LRRFIP1: variants seen among roughly 807,000 people sequenced by gnomAD.
LRRFIP1 encodes the protein LRR binding FLII interacting protein 1.
Under a neutral mutation model 104.4 loss-of-function variants are expected in LRRFIP1, and 62 were observed. The observed-to-expected ratio is 0.59, with a 90% confidence interval of 0.48 to 0.73. The LOEUF is 0.73. LRRFIP1 is among the 30% of genes least tolerant of loss of function. LRRFIP1 has a pLI of 0.00. For missense variants in LRRFIP1, 796 were observed against 824.5 expected, an observed-to-expected ratio of 0.97 and a Z score of 0.42; for synonymous variants, 300 against 299.0, an observed-to-expected ratio of 1.00 and a Z score of -0.03.
At chr2:237,633,998 A>C (rs1253689006) in intron 1 of LRRFIP1, among the ~76,000 whole-genome samples, 1 of 152,086 alleles carries the variant, frequency 6.6e-6, no homozygotes, top group Non-Finnish European at 1.5e-5. Context: ...CCATCCTTTC[A>C]TCTTTAAAAA....
At position 237,719,562 on chromosome 2, in the gene LRRFIP1, A is replaced by C; in HGVS notation, c.289A>C (p.Thr97Pro). The C allele has an allele frequency of 6.2e-7, 1 of 1,613,240 alleles. No individual in the cohort carries two copies. Among genetic ancestry groups the C allele is most frequent in the Non-Finnish European group, 8.5e-7 (1 of 1,179,334 alleles). ...ERYSRRSRRN[T>P]SASDEDERMS... is the part of the protein sequence containing the mutation. ...CTACTCTCGTAGATCCAGAAGAAAC[A>C]CATCGGTTAGTACCGTGTTCATTCA... Residue 97 changes from threonine (T) to proline (P), a missense_variant, in exon 5 of 24, where the codon ACA (threonine) becomes CCA (proline). Coordinates refer to ENST00000308482, the MANE Select transcript of LRRFIP1 (RefSeq NM_001137550.2).
intron 6 of LRRFIP1, chr2:237,721,181 T>C (rs1330624183): frequency 5.0e-6 from 1 of 201,550 alleles, no homozygotes; most frequent in African/African-American, 2.3e-5. Context: ...CTGTATCCAC[T>C]GACACCCATG....
chr2:237,738,371 T>C (rs1559736378), intron 10 of LRRFIP1, among the ~76,000 whole-genome samples: 1 of 152,190 alleles, frequency 6.6e-6, no homozygotes, highest in East Asian at 1.9e-4. Flanking sequence ...AGCAGAGGGT[T>C]CTGTGCCCAG....
chr2:237,743,340 A>G (rs2057374609), intron 11 of LRRFIP1, among the ~76,000 whole-genome samples: 1 of 152,160 alleles, frequency 6.6e-6, no homozygotes, highest in African/African-American at 2.4e-5. Context: ...AACCAGAATG[A>G]AGGAAGTGAC....
intron 2 of LRRFIP1, among the ~76,000 whole-genome samples, chr2:237,710,377 G>A (rs1347821008): frequency 1.3e-5 from 2 of 151,318 alleles, no homozygotes; most frequent in South Asian, 4.2e-4. Context: ...TCCCTCTCCT[G>A]GGTTCAAGCG....
Position 237,735,488 on chromosome 2 carries a change from G to T in LRRFIP1, c.555+155G>T, listed in dbSNP as rs1454605577. 3.1e-6 allele frequency: 2 copies of T among 636,302 alleles called. No individual in the cohort carries two copies. The highest frequency in any genetic ancestry group is 5.3e-6 in the Non-Finnish European group (2 of 378,358). The allele number at this position is 636,302 out of a possible 1,614,324, so 39.4% of individuals were successfully genotyped here. ...ACCGCCACCTTCCATTGTAATGAAG[G>T]TCACAAATAATGTGAATCAGGAAAC... On this transcript the variant is annotated intron_variant, in intron 10 of 23. Transcript: ENST00000308482. This position sits in a 1 kb window ranked among gnomAD's most constrained non-coding sequence, Gnocchi z 4.6.
At position 237,714,263 on chromosome 2, in the gene LRRFIP1, A is replaced by G. The variant is rs770859048; in HGVS notation, c.188A>G (p.Tyr63Cys). 6.9e-6 allele frequency: 11 copies of G among 1,598,876 alleles called. 1 individual carries two copies. The highest frequency in any genetic ancestry group is 6.7e-5 in the South Asian group (6 of 89,694). Residue 63 changes from tyrosine (Y) to cysteine (C), a missense_variant, in exon 3 of 24, where the codon TAT becomes TGT. Coordinates refer to ENST00000308482, the MANE Select transcript of LRRFIP1 (RefSeq NM_001137550.2). ...KELERQQKEI[Y>C]QVQKKYYGLD... is the part of the protein sequence containing the mutation. ...TTCTTCTGTCCTTCTCTATAGATCT[A>G]TCAGGTCCAAAAGGTAGGCTCTTCT...
At chr2:237,630,655 C>T in intron 1 of LRRFIP1, among the ~76,000 whole-genome samples, 1 of 152,212 alleles carries the variant, frequency 6.6e-6, no homozygotes, top group Non-Finnish European at 1.5e-5. Flanking sequence ...GCTGCTGGGA[C>T]AGAAACCCTG....
chr2:237,730,332 G>A (rs1483318902), intron 8 of LRRFIP1, among the ~76,000 whole-genome samples: 1 of 152,044 alleles, frequency 6.6e-6, no homozygotes, highest in Non-Finnish European at 1.5e-5. Flanking sequence ...AACATGCATC[G>A]GTCTTGATAA....
rs902203291 is a variant in LRRFIP1 at position 237,735,346 on chromosome 2, C to T, written c.555+13C>T. On this transcript the variant is annotated intron_variant, in intron 10 of 23. Transcript: ENST00000308482. The surrounding 1 kb of genome is among the most constrained non-coding windows in gnomAD (Gnocchi z 4.6). The stretch of plus-strand genomic sequence containing the variant: ...CGGCTCCCGTGCTGTAAGGCGCTTT[C>T]GGTGATACCTCCTTTCCCCCGTGCC... 5 of 1,611,540 alleles carry T rather than the reference C, an allele frequency of 3.1e-6. No individual in the cohort carries two copies. Among genetic ancestry groups the T allele is most frequent in the African/African-American group, 2.7e-5 (2 of 74,920 alleles).
chr2:237,748,850 G>A (rs1324617750), intron 12 of LRRFIP1, among the ~76,000 whole-genome samples: 1 of 152,190 alleles, frequency 6.6e-6, no homozygotes, highest in East Asian at 1.9e-4. Flanking sequence ...CCCTGAGACT[G>A]GGTAATTTAC....
chr2:237,628,196 C>A (rs1340309924), intron 1 of LRRFIP1, among the ~76,000 whole-genome samples: 3 of 152,210 alleles, frequency 2.0e-5, no homozygotes, highest in African/African-American at 7.2e-5. Context: ...ATGGCCGAGT[C>A]GCTCAGGTGA....
chr2:237,742,855 G>A (rs1016092775), intron 11 of LRRFIP1, among the ~76,000 whole-genome samples: 1 of 152,102 alleles, frequency 6.6e-6, no homozygotes, highest in Non-Finnish European at 1.5e-5. Context: ...GGCCTTCCTT[G>A]AGGTCATATG....
intron 6 of LRRFIP1, 32 bp from the exon 7 acceptor site, chr2:237,723,516 G>GTTT: frequency 1.4e-6 from 2 of 1,384,404 alleles, no homozygotes; most frequent in Non-Finnish European, 2.0e-6. Context: ...CTTTGCTGTT[G>GTTT]TTTTTTTTTT....
intron 1 of LRRFIP1, among the ~76,000 whole-genome samples, chr2:237,637,908 G>A (rs767957814): frequency 1.3e-5 from 2 of 152,100 alleles, no homozygotes; most frequent in African/African-American, 2.4e-5. Flanking sequence ...AAGATGTGGG[G>A]TTTTCCAGGT....
chr2:237,773,655 G>A (rs533804479), intron 22 of LRRFIP1, among the ~76,000 whole-genome samples: 34 of 152,304 alleles, frequency 2.2e-4, no homozygotes, highest in African/African-American at 7.7e-4. Context: ...GCCCTCCCTG[G>A]TGTCTAGACA....
At chr2:237,707,430 A>G (rs922937589) in intron 1 of LRRFIP1, among the ~76,000 whole-genome samples, 1 of 150,714 alleles carries the variant, frequency 6.6e-6, no homozygotes, top group Non-Finnish European at 1.5e-5. Flanking sequence ...AGCCTGGGCA[A>G]CAGAACAAGA....
intron 11 of LRRFIP1, among the ~76,000 whole-genome samples, chr2:237,743,583 C>T (rs1021232761): frequency 5.3e-5 from 8 of 152,170 alleles, no homozygotes; most frequent in African/African-American, 1.7e-4. Context: ...AGGATCTTCT[C>T]CTTGAGGAAG....
At chr2:237,681,675 A>ATTTTTTT (rs1359912875) in intron 1 of LRRFIP1, among the ~76,000 whole-genome samples, 1 of 54,638 alleles carries the variant, frequency 1.8e-5, no homozygotes, top group Non-Finnish European at 3.7e-5. Context: ...CCGCAGTCCT[A>ATTTTTTT]TTCTTTTTTT....
Sources: gnomAD v4.1 joint callset for allele counts (sites outside exome capture counted in the v4.1 genomes callset) on GRCh38, gnomAD v4.1.1 for gene constraint, Gnocchi (gnomAD v3.1) non-coding constraint, MANE v1.5 for transcripts, NCBI Gene and HGNC (gene_info 2026-07-23, HGNC 2026-07-21) for gene names.